KIAA1210: variants seen among roughly 807,000 people sequenced by gnomAD.
KIAA1210 encodes KIAA1210, also known as acrosomal protein KIAA1210.
A neutral mutation model predicts 78.9 loss-of-function variants in KIAA1210; 48 were observed. The observed-to-expected ratio is 0.61, with a 90% confidence interval of 0.48 to 0.77. The LOEUF is 0.77. KIAA1210 is among the 30% of genes least tolerant of loss of function. The pLI is 0.00. For missense variants in KIAA1210, 1,108 were observed against 1,100.0 expected, an observed-to-expected ratio of 1.01 and a Z score of -0.10; for synonymous variants, 406 against 404.5, an observed-to-expected ratio of 1.00 and a Z score of -0.04.
At position 119,141,471 on chromosome X, in the gene KIAA1210, T is replaced by C. The variant is rs187441682; in HGVS notation, c.410+6002A>G. Among the ~76,000 whole-genome samples, 218 of 112,589 alleles carry C rather than the reference T, an allele frequency of 1.9e-3. 3 individuals carry two copies. Among genetic ancestry groups the C allele is most frequent in the African/African-American group, 6.9e-3 (214 of 31,007 alleles). ...TTCTTTTCCTGTTCTCTTGTTTCTA[T>C]TTCTCATTTTGAACATCTCCCTTAT... On this transcript the variant is annotated intron_variant, in intron 2 of 13. Transcript: ENST00000402510.
intron 2 of KIAA1210, among the ~76,000 whole-genome samples, chrX:119,141,123 C>A (rs1194601435): frequency 9.0e-6 from 1 of 111,612 alleles, no homozygotes; most frequent in Non-Finnish European, 1.9e-5. Flanking sequence ...CTCCCAGGAC[C>A]CTTTCCTTTC....
intron 3 of KIAA1210, among the ~76,000 whole-genome samples, chrX:119,113,697 A>C (rs757548150): frequency 8.9e-6 from 1 of 112,405 alleles, no homozygotes; most frequent in East Asian, 2.8e-4. Flanking sequence ...AGAAACATAA[A>C]AATTTTAAAT....
chrX:119,143,760 A>G (rs1929102982), intron 2 of KIAA1210, among the ~76,000 whole-genome samples: 1 of 112,289 alleles, frequency 8.9e-6, no homozygotes, highest in African/African-American at 3.2e-5. Context: ...AAGGGAACTC[A>G]TATTTACTGA....
intron 7 of KIAA1210, chrX:119,094,145 T>C (rs868647896): frequency 1.2e-6 from 1 of 847,864 alleles, no homozygotes; most frequent in South Asian, 2.3e-5. Context: ...CTCGGCCATA[T>C]TGGGATTCTC....
In KIAA1210 at chrX:119,109,224, T is replaced by C. The variant is rs758985147; in HGVS notation, c.231-22A>G. On this transcript the variant is annotated intron_variant, in intron 3 of 11. Transcript: ENST00000691062. ...GGCCCTGGACAGAAAGGAAAGGTCT[T>C]GTAAAAGCAACCCAAGGGCCATGGG... The C allele has an allele frequency of 2.5e-6, 3 of 1,181,700 alleles. No homozygotes were observed. In the South Asian group the frequency reaches 5.7e-5, roughly 22 times the overall value.
Position 119,088,448 on chromosome X carries a change from G to A in KIAA1210, c.2254C>T (p.Pro752Ser), listed in dbSNP as rs938235303. ...IMNPTVQQQV[P>S]TSSVGTSIKQ... ...ATAGAAGTGCCCACTGAACTGGTGG[G>A]GACTTGTTGCTGAACAGTAGGATTC... The change falls in exon 9 of 12, where the codon CCC (proline) becomes TCC (serine). Residue 752 changes from proline (P) to serine (S), a missense_variant. Physicochemically the swap from Pro to Ser is moderately conservative, Grantham distance 74. Transcript: ENST00000691062. 5.8e-6 allele frequency: 7 copies of A among 1,209,128 alleles called. No individual in the cohort carries two copies. The African/African-American group carries it at 1.2e-4, about 21-fold the overall frequency.
chrX:119,087,617 A>G lies in KIAA1210; in HGVS notation c.3085T>C (p.Phe1029Leu). Residue 1029 changes from phenylalanine (F) to leucine (L), a missense_variant, in exon 9 of 12, where the codon TTT becomes CTT. Phe to Leu is a conservative substitution (Grantham distance 22, BLOSUM62 0). Coordinates refer to ENST00000691062, the MANE Select transcript of KIAA1210 (RefSeq NM_001394962.1). ...CTCTTAAGAGCAGAGCTCTCTGAAAAGATTTGCTGTGCCATAAATTTCACG... is the reference window on the plus strand; with the variant it reads ...CTCTTAAGAGCAGAGCTCTCTGAAAGGATTTGCTGTGCCATAAATTTCACG... The part of the protein sequence containing the change: ...SFVKFMAQQI[F>L]SESSALKRGS... The G allele has an allele frequency of 3.3e-6, 4 of 1,210,996 alleles. No individual in the cohort carries two copies. Among genetic ancestry groups the G allele is most frequent in the Non-Finnish European group, 4.5e-6 (4 of 895,133 alleles).
chrX:119,130,763 C>A (rs1275412077), upstream of KIAA1210, among the ~76,000 whole-genome samples: 1 of 112,261 alleles, frequency 8.9e-6, no homozygotes, highest in Non-Finnish European at 1.9e-5. Flanking sequence ...TTATGAGAGG[C>A]TTTCGGAACC....
chrX:119,104,387 C>A (rs1487301078), intron 6 of KIAA1210, among the ~76,000 whole-genome samples: 1 of 112,313 alleles, frequency 8.9e-6, no homozygotes, highest in East Asian at 2.8e-4. Flanking sequence ...GGCCAATTCT[C>A]TTCCCTATAA....
intron 8 of KIAA1210, among the ~76,000 whole-genome samples, chrX:119,092,481 G>C (rs1927398927): frequency 2.7e-5 from 3 of 112,098 alleles, no homozygotes; most frequent in South Asian, 7.4e-4. Flanking sequence ...AAGCTCAAAG[G>C]CTGGGTGCAG....
At chrX:119,096,185 T>C (rs1927545566) in intron 7 of KIAA1210, among the ~76,000 whole-genome samples, 1 of 112,648 alleles carries the variant, frequency 8.9e-6, no homozygotes. Context: ...TCTCTACAAA[T>C]AGGGCTGAGT....
chrX:119,106,116 C>T (rs1447589833), intron 5 of KIAA1210, among the ~76,000 whole-genome samples: 1 of 111,594 alleles, frequency 9.0e-6, no homozygotes, highest in Admixed American at 9.5e-5. Flanking sequence ...GTGCTCCTGG[C>T]CAGTGTCTCC....
At chrX:119,139,169 G>A (rs756308557) in intron 2 of KIAA1210, among the ~76,000 whole-genome samples, 37 of 111,688 alleles carry the variant, frequency 3.3e-4, no homozygotes, top group African/African-American at 9.5e-4. Flanking sequence ...CAGAGGGAGT[G>A]GGGCCCAGGG....
intron 6 of KIAA1210, among the ~76,000 whole-genome samples, chrX:119,104,392 C>G (rs1927824703): frequency 1.8e-5 from 2 of 112,333 alleles, no homozygotes; most frequent in African/African-American, 6.5e-5. Context: ...ATTCTCTTCC[C>G]TATAAATTAG....
intron 1 of KIAA1210, among the ~76,000 whole-genome samples, 44 bp downstream of exon 1, chrX:119,127,683 C>A (rs1928686065): frequency 9.0e-6 from 1 of 111,657 alleles, no homozygotes; most frequent in African/African-American, 3.3e-5. Context: ...CATTCCTCTG[C>A]ATCTCTTTAA....
intron 3 of KIAA1210, among the ~76,000 whole-genome samples, chrX:119,113,841 T>TTGAAAACATGCTAAG (rs1928164014): frequency 9.0e-6 from 1 of 111,675 alleles, no homozygotes; most frequent in Non-Finnish European, 1.9e-5. Flanking sequence ...TGAATGACTC[T>TTGAAAACATGCTAAG]TGAAAACATG....
Position 119,109,071 on chromosome X carries a change from A to G in KIAA1210, c.357+5T>C, listed in dbSNP as rs755808176. On this transcript the variant is annotated splice_donor_5th_base_variant and intron_variant, in intron 4 of 11. Transcript: ENST00000691062. Reference sequence around the variant, plus strand: ...TTAGACACTGATGCTCGAGTCCACTATTACCTGCTGAGGTCTGCCTCTCTG... The same window carrying G: ...TTAGACACTGATGCTCGAGTCCACTGTTACCTGCTGAGGTCTGCCTCTCTG... 1 of 1,209,874 alleles carries G rather than the reference A, an allele frequency of 8.3e-7. No individual in the cohort carries two copies. The highest frequency in any genetic ancestry group is 1.1e-6 in the Non-Finnish European group (1 of 894,321).
chrX:119,093,576 G>T, intron 8 of KIAA1210, 91 bp downstream of exon 8: 1 of 588,233 alleles, frequency 1.7e-6, no homozygotes, highest in Non-Finnish European at 2.6e-6. Context: ...CAGCAGTCTT[G>T]GGTAGTTCTT....
intron 2 of KIAA1210, among the ~76,000 whole-genome samples, chrX:119,117,672 C>T (rs1164963458): frequency 1.8e-5 from 2 of 108,397 alleles, no homozygotes; most frequent in African/African-American, 6.8e-5. Flanking sequence ...GGGCTCAAGC[C>T]ATCCTCGCAC....
Sources: gnomAD v4.1 joint callset for allele counts (sites outside exome capture counted in the v4.1 genomes callset) on GRCh38, gnomAD v4.1.1 for gene constraint, MANE v1.5 for transcripts, NCBI Gene and HGNC (gene_info 2026-07-23, HGNC 2026-07-21) for gene names.